The following SLC30A8 variants were observed in gnomAD, a reference collection of about 807,000 sequenced individuals.
SLC30A8 encodes proton-coupled zinc antiporter SLC30A8.
A neutral mutation model predicts 36.9 loss-of-function variants in SLC30A8; 27 were observed. The ratio of observed to expected loss-of-function variants is 0.73; its 90% CI spans 0.54 to 1.01. The LOEUF is 1.01. Ranked by LOEUF, SLC30A8 falls within the 50% of genes least tolerant of loss-of-function variation. The probability of loss-of-function intolerance (pLI) is 0.00; values close to 1 mark genes in which losing one functional copy is unlikely to be tolerated. For synonymous variants in SLC30A8, 164 were observed against 172.4 expected (o/e 0.95, Z 0.38); for missense variants, 439 against 452.0 (o/e 0.97, Z 0.26).
At chr8:117,084,482 A>G (rs1312828544) in intron 2 of SLC30A8, among the ~76,000 whole-genome samples, 2 of 152,138 alleles carry the variant, frequency 1.3e-5, no homozygotes, top group Admixed American at 6.6e-5. Flanking sequence ...GAAAGATGCA[A>G]CCATTTCTCT....
At chr8:117,075,947 T>C (rs980970976) in intron 2 of SLC30A8, among the ~76,000 whole-genome samples, 2 of 152,196 alleles carry the variant, frequency 1.3e-5, no homozygotes, top group Non-Finnish European at 2.9e-5. Flanking sequence ...ATACACAATA[T>C]GGGTTTGTGT....
At chr8:116,975,076 C>T (rs1405469804) in intron 1 of SLC30A8, among the ~76,000 whole-genome samples, 1 of 151,528 alleles carries the variant, frequency 6.6e-6, no homozygotes, top group African/African-American at 2.4e-5. Context: ...GGAGATATAC[C>T]TAATGTATAC....
chr8:117,090,204 T>C (rs1056217231), intron 2 of SLC30A8, among the ~76,000 whole-genome samples: 2 of 152,132 alleles, frequency 1.3e-5, no homozygotes, highest in Non-Finnish European at 2.9e-5. Context: ...CCTTGTGATC[T>C]GCCTGGGTCA....
chr8:116,976,822 CTTT>C (rs763561636), intron 1 of SLC30A8, among the ~76,000 whole-genome samples: 22 of 34,900 alleles, frequency 6.3e-4, no homozygotes, highest in South Asian at 1.1e-3. Context: ...TTCTTTCTTT[CTTT>C]TTTTTTTTTT....
chr8:117,088,626 A>T (rs1460046350), intron 2 of SLC30A8, among the ~76,000 whole-genome samples: 2 of 152,186 alleles, frequency 1.3e-5, no homozygotes, highest in Non-Finnish European at 2.9e-5. Flanking sequence ...ATTTAAGACA[A>T]ATTTGTTTTC....
chr8:117,018,094 T>G (rs545185912), intron 1 of SLC30A8: 110 of 152,326 alleles, frequency 7.2e-4, no homozygotes, highest in African/African-American at 2.6e-3. Context: ...GTGACCTCCC[T>G]GGGAACAGAA....
chr8:117,056,519 A>G (rs769870060), intron 2 of SLC30A8, among the ~76,000 whole-genome samples: 1 of 146,202 alleles, frequency 6.8e-6, no homozygotes, highest in East Asian at 2.0e-4. Flanking sequence ...AAGTACAAGC[A>G]TGGATTTCTC....
chr8:116,992,652 C>T (rs1815683766), intron 1 of SLC30A8, among the ~76,000 whole-genome samples: 1 of 151,988 alleles, frequency 6.6e-6, no homozygotes, highest in African/African-American at 2.4e-5. Flanking sequence ...TATCAGTTAC[C>T]AAGGGCTACC....
At chr8:117,001,688 A>G (rs1816015762) in intron 1 of SLC30A8, among the ~76,000 whole-genome samples, 1 of 152,184 alleles carries the variant, frequency 6.6e-6, no homozygotes, top group Non-Finnish European at 1.5e-5. Flanking sequence ...AGCTTTAGTT[A>G]CATTGGTTAG....
intron 2 of SLC30A8, among the ~76,000 whole-genome samples, chr8:117,046,305 T>C (rs1817549063): frequency 6.6e-6 from 1 of 152,230 alleles, no homozygotes; most frequent in South Asian, 2.1e-4. Context: ...TTGATAAGTC[T>C]TCCACTAATT....
At chr8:117,010,125 C>A (rs1253250448) in intron 1 of SLC30A8, among the ~76,000 whole-genome samples, 2 of 152,040 alleles carry the variant, frequency 1.3e-5, no homozygotes, top group Non-Finnish European at 2.9e-5. Context: ...TAGAATTAGG[C>A]AGGGGAAGAA....
At chr8:116,990,692 C>G (rs1057089425) in intron 1 of SLC30A8, among the ~76,000 whole-genome samples, 1 of 152,102 alleles carries the variant, frequency 6.6e-6, no homozygotes, top group African/African-American at 2.4e-5. Flanking sequence ...CAAATAAAGT[C>G]TGAAATTGAG....
intron 1 of SLC30A8, among the ~76,000 whole-genome samples, chr8:116,970,082 T>A (rs1218522096): frequency 6.6e-6 from 1 of 152,070 alleles, no homozygotes; most frequent in Non-Finnish European, 1.5e-5. Context: ...ATTACTCCAA[T>A]GTACAAAAAT....
chr8:116,989,876 G>T (rs1344997055), intron 1 of SLC30A8, among the ~76,000 whole-genome samples: 4 of 152,212 alleles, frequency 2.6e-5, no homozygotes, highest in Non-Finnish European at 4.4e-5. Context: ...TTTTCAACTT[G>T]TGTGCCAATG....
In SLC30A8 at chr8:117,173,693, A is replaced by G. The variant is rs149056352; in HGVS notation, c.*1012A>G. 1.3e-5 allele frequency: 2 copies of G among 152,218 alleles called. No individual in the cohort carries two copies. Among genetic ancestry groups the G allele is most frequent in the Non-Finnish European group, 2.9e-5 (2 of 68,000 alleles). 9.4% of individuals were successfully genotyped at this position (152,218 alleles called of 1,614,324 possible). A position where few individuals can be genotyped will look rare whatever the true frequency, so the allele number is the denominator to read the frequency against. On this transcript the variant is annotated 3_prime_UTR_variant, in exon 8 of 8. Coordinates refer to ENST00000456015, the MANE Select transcript of SLC30A8 (RefSeq NM_173851.3). ...TGCAGGCCAACATTCTGGAAATCCT[A>G]TGTCAATGGGTTTGGTTTGGAACCT... is the stretch of plus-strand genomic sequence containing the variant.
At chr8:116,993,977 G>A (rs924862849) in intron 1 of SLC30A8, among the ~76,000 whole-genome samples, 5 of 151,438 alleles carry the variant, frequency 3.3e-5, no homozygotes, top group African/African-American at 1.2e-4. Context: ...AAAAATCTTA[G>A]CATTTCTATA....
At chr8:116,963,325 A>G (rs1219939785) in intron 1 of SLC30A8, among the ~76,000 whole-genome samples, 2 of 152,128 alleles carry the variant, frequency 1.3e-5, no homozygotes, top group African/African-American at 2.4e-5. Context: ...CATATAATTG[A>G]CCATTAGTGA....
At chr8:117,067,627 C>A (rs1563576818) in intron 2 of SLC30A8, among the ~76,000 whole-genome samples, 1 of 152,148 alleles carries the variant, frequency 6.6e-6, no homozygotes, top group Non-Finnish European at 1.5e-5. Context: ...TAACATCTTG[C>A]AAATGCAGAT....
At position 117,135,638 on chromosome 8, in the gene SLC30A8, T is replaced by C. The variant is rs145056173; in HGVS notation, c.71+240T>C. 1.3e-3 allele frequency among the ~76,000 whole-genome samples: 204 copies of C among 152,156 alleles called. 1 individual carries two copies. The highest frequency in any genetic ancestry group is 4.7e-3 in the African/African-American group (196 of 41,554). ...ACACATTTTACTGATGTGTTTTTCA[T>C]CTGTCATGTTTATTCCAGAAAATAG... On this transcript the variant is annotated intron_variant, in intron 1 of 7. Transcript: ENST00000456015.
Sources: gnomAD v4.1 joint callset for allele counts (sites outside exome capture counted in the v4.1 genomes callset) on GRCh38, gnomAD v4.1.1 for gene constraint, MANE v1.5 for transcripts, NCBI Gene and HGNC (gene_info 2026-07-23, HGNC 2026-07-21) for gene names.